Variants in APEX2 observed in about 807,000 individuals in gnomAD.
The protein encoded by APEX2 is apurinic/apyrimidinic endodeoxyribonuclease 2, also known as DNA-(apurinic or apyrimidinic site) endonuclease 2.
Under a neutral mutation model 16.7 loss-of-function variants are expected in APEX2, and 4 were observed. The ratio of observed to expected loss-of-function variants is 0.24; its 90% CI spans 0.12 to 0.55. The LOEUF is 0.55. Ranked by LOEUF, APEX2 falls within the 20% of genes least tolerant of loss-of-function variation. The probability of loss-of-function intolerance (pLI) is 0.94; values close to 1 mark genes in which losing one functional copy is unlikely to be tolerated. For synonymous variants in APEX2, 181 were observed against 166.9 expected (o/e 1.08, Z -0.65); for missense variants, 357 against 433.6 (o/e 0.82, Z 1.57).
chrX:55,009,052 A>G lies in APEX2; in HGVS notation c.*1617A>G. ...TGTTCCCTGTCCAATAAAAGGCTTC[A>G]CATGCTGTGGTTTGTGCTTTATTTT... On this transcript the variant is annotated 3_prime_UTR_variant, in exon 6 of 6. Coordinates refer to ENST00000374987, the MANE Select transcript of APEX2 (RefSeq NM_014481.4). 2 of 888,833 alleles carry G rather than the reference A, an allele frequency of 2.3e-6. No homozygotes were observed. Among genetic ancestry groups the G allele is most frequent in the Non-Finnish European group, 3.2e-6 (2 of 634,071 alleles). The allele number at this position is 888,833 out of a possible 1,213,427, so 73.2% of individuals were successfully genotyped here. A position where few individuals can be genotyped will look rare whatever the true frequency, so the allele number is the denominator to read the frequency against.
rs1718832446 is a variant in APEX2 at position 55,003,097 on chromosome X, G to T, written c.558G>T (p.Leu186=). The T allele has an allele frequency of 8.3e-7, 1 of 1,211,872 alleles. No individual in the cohort carries two copies. Among genetic ancestry groups the T allele is most frequent in the African/African-American group, 1.7e-5 (1 of 57,967 alleles). ...TGCAAATCCGAGCAGAAGCCCTCCT[G>T]GCGGCAGGCAGGTACTGCAAGCCTG... ...RLLQIRAEAL[L]AAGSHVIILG... The change falls in exon 4 of 6, where the codon CTG becomes CTT. Residue 186 remains leucine, a synonymous_variant. Transcript: ENST00000374987.
chrX:55,005,846 C>T (rs1267036169), intron 5 of APEX2, among the ~76,000 whole-genome samples: 1 of 110,960 alleles, frequency 9.0e-6, no homozygotes, highest in African/African-American at 3.3e-5. Flanking sequence ...CTCCAGATCA[C>T]TTCTCGAAAG....
Position 55,007,020 on chromosome X carries a change from C to T in APEX2, c.1142C>T (p.Pro381Leu). 1 of 1,211,964 alleles carries T rather than the reference C, an allele frequency of 8.3e-7. No homozygotes were observed. The highest frequency in any genetic ancestry group is 1.1e-6 in the Non-Finnish European group (1 of 895,536). The change falls in exon 6 of 6, where the codon CCC becomes CTC. Residue 381 changes from proline to leucine, a missense_variant. By Grantham distance (98) the Pro-to-Leu change is moderately conservative (BLOSUM62 -3). Coordinates refer to ENST00000374987, the MANE Select transcript of APEX2 (RefSeq NM_014481.4). ...CAAGTGCGCTCAACCAGGCCTCAGC[C>T]CAGTCAGGTTGGCTCTAGCAGAGGC... ...KAQVRSTRPQ[P>L]SQVGSSRGQK...
chrX:55,007,493 G>T lies in APEX2; in HGVS notation c.*58G>T. On this transcript the variant is annotated 3_prime_UTR_variant, in exon 6 of 6. Transcript: ENST00000374987. ...CACCCCTGCACATGATCTGAGGCCA[G>T]CTCCCCTTCCCTGAGCTGCCTCCTG... is the stretch of plus-strand genomic sequence containing the variant. 9.3e-7 allele frequency: 1 copy of T among 1,074,294 alleles called. No individual in the cohort carries two copies. 88.5% of individuals were successfully genotyped at this position (1,074,294 alleles called of 1,213,427 possible). A position where few individuals can be genotyped will look rare whatever the true frequency, so the allele number is the denominator to read the frequency against.
At position 55,007,199 on chromosome X, in the gene APEX2, A is replaced by G. The variant is rs1052312625; in HGVS notation, c.1321A>G (p.Lys441Glu). The G allele has an allele frequency of 1.7e-6, 2 of 1,212,071 alleles. No homozygotes were observed. The highest frequency in any genetic ancestry group is 1.8e-5 in the South Asian group (1 of 56,985). ...AVAKVVKGQA[K>E]TSEAKDEKEL... Reference sequence around the variant, plus strand: ...GGCCAAAGTGGTGAAGGGGCAGGCCAAGACTTCAGAAGCCAAAGATGAGAA... The same window carrying G: ...GGCCAAAGTGGTGAAGGGGCAGGCCGAGACTTCAGAAGCCAAAGATGAGAA... The change falls in exon 6 of 6, where the codon AAG becomes GAG. Residue 441 changes from lysine to glutamate, a missense_variant. Lys to Glu is a moderately conservative substitution (Grantham distance 56). Coordinates refer to ENST00000374987, the MANE Select transcript of APEX2 (RefSeq NM_014481.4).
chrX:55,005,160 A>ATGG (rs752972220), intron 5 of APEX2, among the ~76,000 whole-genome samples: 2 of 111,961 alleles, frequency 1.8e-5, no homozygotes, highest in East Asian at 2.8e-4. Context: ...GAATGAGAGA[A>ATGG]TGGTGGTGGT....
chrX:55,007,040 A>G lies in APEX2; in HGVS notation c.1162A>G (p.Arg388Gly). 1 of 1,211,682 alleles carries G rather than the reference A, an allele frequency of 8.3e-7. No individual in the cohort carries two copies. The highest frequency in any genetic ancestry group is 1.8e-5 in the South Asian group (1 of 56,908). ...RPQPSQVGSS[R>G]GQKNLKSYFQ... ...TCAGCCCAGTCAGGTTGGCTCTAGC[A>G]GAGGCCAGAAAAACCTGAAGAGCTA... Residue 388 changes from arginine to glycine, a missense_variant, in exon 6 of 6, where the codon AGA (arginine) becomes GGA (glycine). Physicochemically the swap from Arg to Gly is moderately radical, Grantham distance 125. Transcript: ENST00000374987.
At position 55,006,501 on chromosome X, in the gene APEX2, C is replaced by G. The variant is rs201475384; in HGVS notation, c.640-17C>G. The G allele has an allele frequency of 9.1e-7, 1 of 1,097,866 alleles. No homozygotes were observed. The highest frequency in any genetic ancestry group is 3.2e-5 in the East Asian group (1 of 31,596). The allele number at this position is 1,097,866 out of a possible 1,213,427, so 90.5% of individuals were successfully genotyped here. A position where few individuals can be genotyped will look rare whatever the true frequency, so the allele number is the denominator to read the frequency against. On this transcript the variant is annotated splice_polypyrimidine_tract_variant and intron_variant, in intron 5 of 5. Coordinates refer to ENST00000374987, the MANE Select transcript of APEX2 (RefSeq NM_014481.4). ...TTCTGTCTCTCTCTCTTCCAACCCC[C>G]TTTCCTCCTCACCTAGGAATGCTTT... is the stretch of plus-strand genomic sequence containing the variant.
Position 55,006,867 on chromosome X carries a change from C to T in APEX2, c.989C>T (p.Pro330Leu). Reference protein sequence around the residue: ...QCPPLCTRFLPEFAGTQLKIL... With the variant: ...QCPPLCTRFLLEFAGTQLKIL... Reference sequence around the variant, plus strand: ...CCACCTCTGTGCACCCGCTTCCTCCCTGAGTTTGCAGGCACCCAGCTCAAG... The same window carrying T: ...CCACCTCTGTGCACCCGCTTCCTCCTTGAGTTTGCAGGCACCCAGCTCAAG... The change falls in exon 6 of 6, where the codon CCT (proline) becomes CTT (leucine). Residue 330 changes from proline (P) to leucine (L), a missense_variant. Pro to Leu is a moderately conservative substitution (Grantham distance 98, BLOSUM62 -3). Transcript: ENST00000374987. 8.3e-7 allele frequency: 1 copy of T among 1,212,092 alleles called. No homozygotes were observed. The highest frequency in any genetic ancestry group is 1.1e-6 in the Non-Finnish European group (1 of 895,594).
In APEX2 at chrX:55,003,001, C is replaced by T. The variant is rs1280019089; in HGVS notation, c.462C>T (p.Asn154=). 51 of 1,209,759 alleles carry T rather than the reference C, an allele frequency of 4.2e-5. No individual in the cohort carries two copies. Among genetic ancestry groups the T allele is most frequent in the Middle Eastern group, 4.6e-4 (2 of 4,374 alleles). The change falls in exon 4 of 6, where the codon AAC becomes AAT. Residue 154 remains asparagine (N), a synonymous_variant. Transcript: ENST00000374987. The part of the protein sequence containing the change: ...EGKEKTLTLI[N]VYCPHADPGR... The stretch of plus-strand genomic sequence containing the variant: ...AGGAGAAGACCTTGACCCTAATCAA[C>T]GTGTACTGCCCCCATGCGGACCCTG...
At position 55,002,235 on chromosome X, in the gene APEX2, C is replaced by T. The variant is rs1439998965; in HGVS notation, c.242-16C>T. Reference sequence around the variant, plus strand: ...TTGACTGCCAGGTCTGCTCAGAGTGCCCTGTCTGTTCCCAGGTGTAGCCAC... The same window carrying T: ...TTGACTGCCAGGTCTGCTCAGAGTGTCCTGTCTGTTCCCAGGTGTAGCCAC... On this transcript the variant is annotated splice_polypyrimidine_tract_variant and intron_variant, in intron 2 of 5. Coordinates refer to ENST00000374987, the MANE Select transcript of APEX2 (RefSeq NM_014481.4). The T allele has an allele frequency of 8.5e-6, 10 of 1,176,124 alleles. No individual in the cohort carries two copies. In the South Asian group the frequency reaches 2.0e-4, roughly 23 times the overall value.
chrX:55,005,261 T>G (rs1935486805), intron 5 of APEX2, among the ~76,000 whole-genome samples: 2 of 112,025 alleles, frequency 1.8e-5, no homozygotes, highest in African/African-American at 6.5e-5. Flanking sequence ...CAGTGTGTTC[T>G]TTCAGATTCC....
intron 5 of APEX2, among the ~76,000 whole-genome samples, chrX:55,005,535 T>G (rs1234503636): frequency 2.7e-5 from 3 of 112,086 alleles, no homozygotes; most frequent in African/African-American, 9.7e-5. Flanking sequence ...AGTATTGTCT[T>G]TCTTTCTTAC....
At position 55,007,042 on chromosome X, in the gene APEX2, A is replaced by G; in HGVS notation, c.1164A>G (p.Arg388=). ...RPQPSQVGSS[R]GQKNLKSYFQ... The stretch of plus-strand genomic sequence containing the variant: ...AGCCCAGTCAGGTTGGCTCTAGCAG[A>G]GGCCAGAAAAACCTGAAGAGCTACT... The change falls in exon 6 of 6, where the codon AGA becomes AGG. Residue 388 remains arginine (R), a synonymous_variant. Transcript: ENST00000374987. 1 of 1,211,617 alleles carries G rather than the reference A, an allele frequency of 8.3e-7. No individual in the cohort carries two copies. Among genetic ancestry groups the G allele is most frequent in the Non-Finnish European group, 1.1e-6 (1 of 895,420 alleles).
intron 1 of APEX2, 47 bp from the exon 2 acceptor site, chrX:55,001,499 G>C (rs752068350): frequency 4.8e-6 from 5 of 1,041,446 alleles, no homozygotes; most frequent in African/African-American, 3.8e-5. Context: ...TGTGTTTCTC[G>C]GATGCTAGTT....
intron 2 of APEX2, among the ~76,000 whole-genome samples, chrX:55,002,005 C>T (rs1935449974): frequency 8.9e-6 from 1 of 112,056 alleles, no homozygotes; most frequent in Non-Finnish European, 1.9e-5. Context: ...ATGAATTAAT[C>T]CATGTGATAA....
rs1200546109 is a variant in APEX2, at chrX:55,008,939, G to A, written c.*1504G>A. 1 of 403,092 alleles carries A rather than the reference G, an allele frequency of 2.5e-6. No individual in the cohort carries two copies. Among genetic ancestry groups the A allele is most frequent in the African/African-American group, 2.5e-5 (1 of 39,778 alleles). The allele number at this position is 403,092 out of a possible 1,213,427, so 33.2% of individuals were successfully genotyped here. A position where few individuals can be genotyped will look rare whatever the true frequency, so the allele number is the denominator to read the frequency against. ...TTCCTCTTTCTCATTCTGTTTCCCT[G>A]TTGGTAAAATGGAATGGTGACCAAC... On this transcript the variant is annotated 3_prime_UTR_variant, in exon 6 of 6. Transcript: ENST00000374987.
Position 55,008,977 on chromosome X carries a change from G to T in APEX2, c.*1542G>T, listed in dbSNP as rs980233022. 2.1e-6 allele frequency: 1 copy of T among 467,689 alleles called. No individual in the cohort carries two copies. The highest frequency in any genetic ancestry group is 3.7e-6 in the Non-Finnish European group (1 of 272,641). The allele number at this position is 467,689 out of a possible 1,213,427, so 38.5% of individuals were successfully genotyped here. A position where few individuals can be genotyped will look rare whatever the true frequency, so the allele number is the denominator to read the frequency against. ...AATGGTGACCAACAAGTGACCTATG[G>T]TTACCTCATAGATCTGCCACTTGTC... On this transcript the variant is annotated 3_prime_UTR_variant, in exon 6 of 6. Transcript: ENST00000374987.
intron 2 of APEX2, 128 bp downstream of exon 2, chrX:55,001,757 T>A: frequency 2.0e-6 from 1 of 506,753 alleles, no homozygotes; most frequent in East Asian, 3.8e-5. Flanking sequence ...AGCTGCATAA[T>A]AGTAAATTAC....
Sources: gnomAD v4.1 joint callset for allele counts (sites outside exome capture counted in the v4.1 genomes callset) on GRCh38, gnomAD v4.1.1 for gene constraint, MANE v1.5 for transcripts, NCBI Gene and HGNC (gene_info 2026-07-23, HGNC 2026-07-21) for gene names.